ANKRD11: variants seen among roughly 807,000 people sequenced by gnomAD.
ANKRD11 encodes the protein ankyrin repeat domain-containing protein 11.
Under a neutral mutation model 195.7 loss-of-function variants are expected in ANKRD11, and 17 were observed. The observed-to-expected ratio is 0.09, with a 90% CI of 0.06 to 0.13. The LOEUF is 0.13. Ranked by LOEUF, ANKRD11 falls within the 10% of genes least tolerant of loss-of-function variation. The probability of loss-of-function intolerance (pLI) is 1.00; values close to 1 mark genes in which losing one functional copy is unlikely to be tolerated. For missense variants in ANKRD11, 3,735 were observed against 3,566.1 expected (o/e 1.05, Z -1.21); for synonymous variants, 1,953 against 1,528.1 (o/e 1.28, Z -6.49).
Position 89,284,137 on chromosome 16 carries a change from A to C in ANKRD11, c.2405T>G (p.Leu802Arg). ...EKIFKEDKEK[L>R]KKEKVYREDS... ...TTCCCTATAAACCTTTTCTTTTTTG[A>C]GTTTTTCTTTATCTTCTTTAAAAAT... Residue 802 changes from leucine to arginine, a missense_variant, in exon 9 of 13, where the codon CTC becomes CGC. Physicochemically the swap from Leu to Arg is moderately radical, Grantham distance 102. Coordinates refer to ENST00000301030, the MANE Select transcript of ANKRD11 (RefSeq NM_013275.6). 2 of 1,606,524 alleles carry C rather than the reference A, an allele frequency of 1.2e-6. No individual in the cohort carries two copies. Among genetic ancestry groups the C allele is most frequent in the Non-Finnish European group, 1.7e-6 (2 of 1,177,870 alleles).
chr16:89,423,864 G>T (rs369844397), intron 1 of ANKRD11, among the ~76,000 whole-genome samples: 3 of 152,164 alleles, frequency 2.0e-5, no homozygotes, highest in Non-Finnish European at 4.4e-5. Flanking sequence ...CACAATAAGC[G>T]AACAAAATGT....
intron 2 of ANKRD11, among the ~76,000 whole-genome samples, chr16:89,413,702 T>C (rs1229015190): frequency 6.6e-6 from 1 of 152,184 alleles, no homozygotes; most frequent in East Asian, 1.9e-4. Flanking sequence ...AACCTAGTCC[T>C]GTGGCTGTCA....
chr16:89,412,894 G>A (rs1001754963), intron 2 of ANKRD11, among the ~76,000 whole-genome samples: 2 of 152,196 alleles, frequency 1.3e-5, no homozygotes, highest in African/African-American at 2.4e-5. Flanking sequence ...GCAGAGGACA[G>A]AGGACAGCAG....
At chr16:89,366,797 G>A (rs2039968567) in intron 2 of ANKRD11, among the ~76,000 whole-genome samples, 1 of 152,206 alleles carries the variant, frequency 6.6e-6, no homozygotes, top group South Asian at 2.1e-4. Context: ...GGGCACCCAG[G>A]GCAGGGGTCA....
Position 89,284,241 on chromosome 16 carries a change from C to G in ANKRD11, c.2301G>C (p.Lys767Asn), listed in dbSNP as rs781764520. The G allele has an allele frequency of 1.1e-5, 17 of 1,612,760 alleles. No homozygotes were observed. The highest frequency in any genetic ancestry group is 1.4e-5 in the Non-Finnish European group (17 of 1,179,792). The stretch of plus-strand genomic sequence containing the variant: ...ATTTTGAGGGCCGGTCTTTTGATTT[C>G]TTCTTTCTCTCCTCTTTGTACAGTC... ...KLRLYKEERK[K>N]KSKDRPSKLE... The change falls in exon 9 of 13, where the codon AAG becomes AAC. Residue 767 changes from lysine to asparagine, a missense_variant. Physicochemically the swap from Lys to Asn is moderately conservative, Grantham distance 94 (BLOSUM62 0). Transcript: ENST00000301030.
At chr16:89,418,394 C>T (rs1286280888) in intron 1 of ANKRD11, 26 bp from the exon 2 acceptor site, 1 of 428,342 alleles carries the variant, frequency 2.3e-6, no homozygotes, top group Non-Finnish European at 4.8e-6. Context: ...GAGATTAGCT[C>T]ATGTCAATAA....
chr16:89,411,612 C>G lies in ANKRD11; in HGVS notation c.-60+6672G>C, dbSNP rs543441502. ...TATTTTTTGGAGAGATGGGGTCTTG[C>G]CACGTTGCCCAGGCTGGTCTCGAAC... On this transcript the variant is annotated intron_variant, in intron 2 of 12. Transcript: ENST00000301030. 1.4e-3 allele frequency among the ~76,000 whole-genome samples: 213 copies of G among 152,190 alleles called. 1 individual carries two copies. Among genetic ancestry groups the G allele is most frequent in the African/African-American group, 4.8e-3 (200 of 41,526 alleles).
intron 2 of ANKRD11, among the ~76,000 whole-genome samples, chr16:89,395,432 C>A (rs1319895543): frequency 6.6e-6 from 1 of 152,202 alleles, no homozygotes; most frequent in African/African-American, 2.4e-5. Context: ...AGAGAGGAGA[C>A]AGCGCTGGGA....
chr16:89,348,466 T>C (rs1021435543), intron 2 of ANKRD11, among the ~76,000 whole-genome samples: 4 of 152,206 alleles, frequency 2.6e-5, no homozygotes, highest in East Asian at 1.9e-4. Context: ...CCCTGACTCA[T>C]AGAAAGACTG....
intron 4 of ANKRD11, chr16:89,297,660 C>T (rs2035532099): frequency 6.6e-6 from 1 of 152,266 alleles, no homozygotes; most frequent in Non-Finnish European, 1.5e-5. Flanking sequence ...TGACATCCTC[C>T]TTGGGGCAGC....
intron 2 of ANKRD11, among the ~76,000 whole-genome samples, chr16:89,336,253 G>T (rs1161947809): frequency 6.6e-6 from 1 of 152,196 alleles, no homozygotes; most frequent in Non-Finnish European, 1.5e-5. Flanking sequence ...AACAGAGCTG[G>T]ACCTGGTGCC....
At chr16:89,350,059 A>G (rs2039138556) in intron 2 of ANKRD11, among the ~76,000 whole-genome samples, 1 of 152,208 alleles carries the variant, frequency 6.6e-6, no homozygotes, top group East Asian at 1.9e-4. Flanking sequence ...AAATACATGG[A>G]TAGTCCCTTC....
intron 2 of ANKRD11, among the ~76,000 whole-genome samples, chr16:89,402,981 C>G (rs2041762250): frequency 6.6e-6 from 1 of 152,150 alleles, no homozygotes; most frequent in African/African-American, 2.4e-5. Flanking sequence ...GGCTCCAGCT[C>G]TAGAGCAAGG....
rs1322838635 is a variant in ANKRD11 at position 89,388,712 on chromosome 16, AAAG to A, written c.-60+29569_-60+29571del. Among the ~76,000 whole-genome samples the A allele has an allele frequency of 3.7e-4, 56 of 152,136 alleles. 1 individual carries two copies. Among genetic ancestry groups the A allele is most frequent in the Admixed American group, 3.7e-3 (56 of 15,278 alleles). On this transcript the variant is annotated intron_variant, in intron 2 of 12. Transcript: ENST00000301030. ...TTAGCGGACAGGACGTCATCCACAC[AAAG>A]AAGAGCCGGCAGGTCCCGGGCTCAC...
At chr16:89,341,950 C>A (rs2038694033) in intron 2 of ANKRD11, among the ~76,000 whole-genome samples, 2 of 149,998 alleles carry the variant, frequency 1.3e-5, no homozygotes, top group South Asian at 4.2e-4. Context: ...CCTCCACGAA[C>A]AGCAGCCACG....
chr16:89,385,161 C>G (rs1382390976), intron 2 of ANKRD11, among the ~76,000 whole-genome samples: 4 of 151,580 alleles, frequency 2.6e-5, no homozygotes, highest in African/African-American at 9.7e-5. Flanking sequence ...CAGGCGTGAG[C>G]CACTGTACCC....
At chr16:89,451,130 G>A (rs1179095955) in intron 1 of ANKRD11, among the ~76,000 whole-genome samples, 2 of 152,178 alleles carry the variant, frequency 1.3e-5, no homozygotes, top group African/African-American at 2.4e-5. Context: ...TTACCACTTG[G>A]TCCTCTGTAG....
At chr16:89,425,271 G>T (rs2042671059) in intron 1 of ANKRD11, among the ~76,000 whole-genome samples, 2 of 152,090 alleles carry the variant, frequency 1.3e-5, no homozygotes, top group Non-Finnish European at 2.9e-5. Context: ...CATTTTAAAT[G>T]GTGGGGCCAA....
Position 89,305,241 on chromosome 16 carries a change from G to A in ANKRD11, c.191C>T (p.Ala64Val), listed in dbSNP as rs750217123. 1.2e-5 allele frequency: 20 copies of A among 1,613,746 alleles called. No homozygotes were observed. The highest frequency in any genetic ancestry group is 6.7e-5 in the Admixed American group (4 of 60,014). The change falls in exon 4 of 13, where the codon GCG becomes GTG. Residue 64 changes from alanine (A) to valine (V), a missense_variant. By Grantham distance (64) the Ala-to-Val change is moderately conservative. Coordinates refer to ENST00000301030, the MANE Select transcript of ANKRD11 (RefSeq NM_013275.6). The part of the protein sequence containing the change: ...RASKRKLPFT[A>V]GANGEQKDSD... The stretch of plus-strand genomic sequence containing the variant: ...GTCCTTCTGCTCCCCATTGGCGCCC[G>A]CGGTGAAGGGCAGCTTCCGCTTGCT...
Sources: gnomAD v4.1 joint callset for allele counts (sites outside exome capture counted in the v4.1 genomes callset) on GRCh38, gnomAD v4.1.1 for gene constraint, MANE v1.5 for transcripts, NCBI Gene and HGNC (gene_info 2026-07-23, HGNC 2026-07-21) for gene names.